The following PCDHAC1 variants were observed in gnomAD, a reference collection of about 807,000 sequenced individuals.
PCDHAC1 encodes protocadherin alpha-C1.
PCDHAC1 carries 42 observed loss-of-function variants against 60.0 expected under a neutral mutation model. The ratio of observed to expected loss-of-function variants is 0.70; its 90% CI spans 0.55 to 0.90. The LOEUF (loss-of-function observed/expected upper bound fraction) is 0.90, where lower values mean the gene tolerates loss of function less well. PCDHAC1 is among the 40% of genes least tolerant of loss of function. PCDHAC1 has a pLI of 0.00. For synonymous variants in PCDHAC1, 468 were observed against 499.3 expected (o/e 0.94, Z 0.84); for missense variants, 1,160 against 1,222.3 (o/e 0.95, Z 0.76).
rs782342331 is a variant in PCDHAC1 at position 140,928,044 on chromosome 5, T to A, written c.1152T>A (p.Pro384=). The part of the protein sequence containing the change: ...RVICGMSSAG[P]FQLTASFDNY... The stretch of plus-strand genomic sequence containing the variant: ...TTTGTGGCATGTCTAGTGCAGGCCC[T>A]TTTCAGCTGACGGCTTCCTTTGACA... Residue 384 remains proline (P), a synonymous_variant, in exon 1 of 4, where the codon CCT becomes CCA. Transcript: ENST00000253807. The A allele has an allele frequency of 6.2e-7, 1 of 1,614,196 alleles. No individual in the cohort carries two copies. Among genetic ancestry groups the A allele is most frequent in the South Asian group, 1.1e-5 (1 of 91,082 alleles).
chr5:140,967,520 G>A, intron 1 of PCDHAC1: 1 of 1,612,918 alleles, frequency 6.2e-7, no homozygotes, highest in East Asian at 2.2e-5. Context: ...GGACACTAAC[G>A]ACAACTCTCC....
intron 1 of PCDHAC1, among the ~76,000 whole-genome samples, chr5:140,963,972 A>G (rs1233467161): frequency 2.0e-5 from 3 of 152,216 alleles, no homozygotes; most frequent in Non-Finnish European, 4.4e-5. Flanking sequence ...GACTGACTCC[A>G]AAGTCTATAT....
Position 140,927,475 on chromosome 5 carries a change from C to A in PCDHAC1, c.583C>A (p.Gln195Lys). The A allele has an allele frequency of 6.2e-7, 1 of 1,614,110 alleles. No individual in the cohort carries two copies. The highest frequency in any genetic ancestry group is 8.5e-7 in the Non-Finnish European group (1 of 1,180,040). ...LVLEKALDREQRATHLLVLTA... is the reference protein window; with the variant it reads ...LVLEKALDREKRATHLLVLTA... ...GTTGGAGAAAGCACTGGATCGCGAA[C>A]AGCGCGCCACCCACCTGCTGGTGCT... Residue 195 changes from glutamine (Q) to lysine (K), a missense_variant, in exon 1 of 4, where the codon CAG becomes AAG. By Grantham distance (53) the Gln-to-Lys change is moderately conservative. Transcript: ENST00000253807.
intron 1 of PCDHAC1, among the ~76,000 whole-genome samples, chr5:140,947,543 G>T (rs1013985097): frequency 6.6e-5 from 10 of 151,548 alleles, no homozygotes; most frequent in Non-Finnish European, 1.2e-4. Flanking sequence ...TTTCTACAAA[G>T]AATTCCGCTG....
intron 1 of PCDHAC1, among the ~76,000 whole-genome samples, chr5:140,962,126 C>T (rs1429316991): frequency 6.6e-6 from 1 of 152,094 alleles, no homozygotes; most frequent in African/African-American, 2.4e-5. Flanking sequence ...ACCTTGGCCT[C>T]GGCCTCCCAA....
intron 1 of PCDHAC1, 52 bp from the exon 2 acceptor site, chr5:140,978,897 G>T: frequency 6.2e-7 from 1 of 1,612,776 alleles, no homozygotes; most frequent in Non-Finnish European, 8.5e-7. Context: ...AGCATTCCTG[G>T]GAGAACATTG....
intron 3 of PCDHAC1, among the ~76,000 whole-genome samples, chr5:141,007,302 G>A (rs1211833053): frequency 6.7e-6 from 1 of 150,298 alleles, no homozygotes; most frequent in Non-Finnish European, 1.5e-5. Context: ...TGTAATCTTA[G>A]CATTTTGGGA....
At chr5:141,001,885 A>C (rs1462586962) in intron 3 of PCDHAC1, among the ~76,000 whole-genome samples, 2 of 152,228 alleles carry the variant, frequency 1.3e-5, no homozygotes, top group African/African-American at 2.4e-5. Context: ...GAAGGAGCAA[A>C]GAAATCGGGG....
intron 2 of PCDHAC1, 142 bp from the exon 3 acceptor site, chr5:140,982,333 A>C (rs2096978357): frequency 1.4e-6 from 2 of 1,438,566 alleles, no homozygotes; most frequent in Admixed American, 4.6e-5. Context: ...ACTGCTCAGC[A>C]GTAATTGCTT....
Position 140,968,423 on chromosome 5 carries a change from G to A in PCDHAC1, c.2434-10526G>A, listed in dbSNP as rs782235507. The A allele has an allele frequency of 1.9e-6, 3 of 1,614,028 alleles. No homozygotes were observed. The South Asian group carries it at 3.3e-5, about 18-fold the overall frequency. On this transcript the variant is annotated intron_variant, in intron 1 of 3. Transcript: ENST00000253807. ...GTTCTTTGTGACTGTGGAGGCTCAG[G>A]ACAAGGGGAGCCCACCACTGAGCAG...
At chr5:140,952,389 ACT>A (rs2094739055) in intron 1 of PCDHAC1, among the ~76,000 whole-genome samples, 2 of 151,722 alleles carry the variant, frequency 1.3e-5, no homozygotes, top group African/African-American at 4.8e-5. Flanking sequence ...GGTACCCTAA[ACT>A]CATCATTCTC....
chr5:140,978,633 CA>C (rs2096813426), intron 1 of PCDHAC1, among the ~76,000 whole-genome samples: 1 of 152,214 alleles, frequency 6.6e-6, no homozygotes, highest in South Asian at 2.1e-4. Context: ...TTTCCTTTCT[CA>C]AAGCAGACTG....
At chr5:140,938,205 C>T (rs1435832298) in intron 1 of PCDHAC1, among the ~76,000 whole-genome samples, 3 of 152,160 alleles carry the variant, frequency 2.0e-5, no homozygotes, top group Non-Finnish European at 4.4e-5. Context: ...GCCAGCCTCC[C>T]AAAGTGCTGG....
rs111391918 is a variant in PCDHAC1 at position 140,984,395 on chromosome 5, G to A, written c.2581+1832G>A. ...CCCTCTTTCAGATTCAAAAAATGTTGAGAACCTATCTTTTTTACAGAGATA... is the reference window on the plus strand; with the variant it reads ...CCCTCTTTCAGATTCAAAAAATGTTAAGAACCTATCTTTTTTACAGAGATA... On this transcript the variant is annotated intron_variant, in intron 3 of 3. Coordinates refer to ENST00000253807, the MANE Select transcript of PCDHAC1 (RefSeq NM_018898.5). 6.4e-3 allele frequency among the ~76,000 whole-genome samples: 978 copies of A among 152,194 alleles called. 14 individuals are homozygous for A. Among genetic ancestry groups the A allele is most frequent in the African/African-American group, 0.023 (947 of 41,508 alleles).
chr5:140,939,562 G>C (rs1584985766), intron 1 of PCDHAC1, among the ~76,000 whole-genome samples: 1 of 152,158 alleles, frequency 6.6e-6, no homozygotes, highest in Middle Eastern at 3.4e-3. Flanking sequence ...TATTAGTTTG[G>C]TTAATCAAAA....
chr5:140,973,815 A>C (rs2096603789), intron 1 of PCDHAC1, among the ~76,000 whole-genome samples: 1 of 152,224 alleles, frequency 6.6e-6, no homozygotes, highest in African/African-American at 2.4e-5. Flanking sequence ...CAGAATAGCA[A>C]AGTCAGTTCT....
At chr5:140,993,577 T>A (rs1215999612) in intron 3 of PCDHAC1, among the ~76,000 whole-genome samples, 1 of 151,978 alleles carries the variant, frequency 6.6e-6, no homozygotes, top group African/African-American at 2.4e-5. Flanking sequence ...CTAGGGATGC[T>A]TTTCTTGGCT....
intron 1 of PCDHAC1, among the ~76,000 whole-genome samples, chr5:140,973,624 A>G (rs2096595807): frequency 6.6e-6 from 1 of 152,204 alleles, no homozygotes; most frequent in African/African-American, 2.4e-5. Flanking sequence ...CTGTTTCTGT[A>G]TCTTGTACAC....
chr5:141,009,573 G>T, intron 3 of PCDHAC1, 54 bp from the exon 4 acceptor site: 2 of 1,580,662 alleles, frequency 1.3e-6, no homozygotes, highest in South Asian at 1.2e-5. Context: ...CAGCAGTGTG[G>T]CATCAAGAGC....
Sources: allele counts gnomAD v4.1 joint callset (sites outside exome capture counted in the v4.1 genomes callset), GRCh38; gene constraint gnomAD v4.1.1; transcripts MANE v1.5; gene names NCBI Gene and HGNC (gene_info 2026-07-23, HGNC 2026-07-21).